NCKAP5: variants seen among roughly 807,000 people sequenced by gnomAD.
NCKAP5 encodes NCK associated protein 5.
Under a neutral mutation model 167.0 loss-of-function variants are expected in NCKAP5, and 92 were observed. The observed-to-expected ratio is 0.55, with a 90% CI of 0.47 to 0.66. The LOEUF (loss-of-function observed/expected upper bound fraction) is 0.66, where lower values mean the gene tolerates loss of function less well. Among genes scored for constraint, NCKAP5 ranks in the 30% least tolerant of loss-of-function variants. The probability of loss-of-function intolerance (pLI) is 0.00; values close to 1 mark genes in which losing one functional copy is unlikely to be tolerated. For synonymous variants in NCKAP5, 891 were observed against 877.4 expected, an observed-to-expected ratio of 1.02 and a Z score of -0.27; for missense variants, 2,378 against 2,315.0, an observed-to-expected ratio of 1.03 and a Z score of -0.56.
chr2:132,849,765 G>A lies in NCKAP5; in HGVS notation c.807+10727C>T, dbSNP rs553660113. Among the ~76,000 whole-genome samples, 4 of 152,156 alleles carry A rather than the reference G, an allele frequency of 2.6e-5. No homozygotes were observed. In the South Asian group the frequency reaches 8.3e-4, roughly 32 times the overall value. ...CTTTCACTTCTCTCCTACCTCTTTG[G>A]TCCACCCGACATGCCTCCTTGGAGT... On this transcript the variant is annotated intron_variant, in intron 11 of 19. Transcript: ENST00000409261.
chr2:133,036,932 C>T (rs937312058), intron 6 of NCKAP5, among the ~76,000 whole-genome samples: 1 of 151,990 alleles, frequency 6.6e-6, no homozygotes, highest in Non-Finnish European at 1.5e-5. Context: ...AAAGGCTCCA[C>T]AAGAACTCTA....
intron 8 of NCKAP5, among the ~76,000 whole-genome samples, chr2:132,886,176 AT>A (rs35428637): frequency 0.31 from 47,393 of 151,206 alleles, 7,654 homozygotes; most frequent in Non-Finnish European, 0.35. Flanking sequence ...AATTAAAAAA[AT>A]AATTGGATGT....
intron 16 of NCKAP5, among the ~76,000 whole-genome samples, chr2:132,737,983 C>T (rs1191686608): frequency 1.3e-5 from 2 of 152,188 alleles, no homozygotes; most frequent in East Asian, 3.9e-4. Context: ...TCAGCCCTCA[C>T]TGATGTGGAA....
intron 5 of NCKAP5, among the ~76,000 whole-genome samples, chr2:133,200,900 G>T (rs1156899154): frequency 1.3e-5 from 2 of 152,040 alleles, no homozygotes; most frequent in Non-Finnish European, 2.9e-5. Flanking sequence ...AGTTGTCCCC[G>T]CTTATCCACA....
intron 4 of NCKAP5, among the ~76,000 whole-genome samples, chr2:133,297,208 T>G (rs1041537842): frequency 6.8e-6 from 1 of 147,846 alleles, no homozygotes; most frequent in Non-Finnish European, 1.5e-5. Context: ...TGTGTGTGTG[T>G]GTTTTAAATC....
chr2:132,860,357 A>G (rs1219316644), intron 11 of NCKAP5, 135 bp downstream of exon 11: 2 of 1,051,514 alleles, frequency 1.9e-6, no homozygotes, highest in South Asian at 1.8e-5. Context: ...TTAATGACAT[A>G]ACTTGAGAAA....
intron 8 of NCKAP5, among the ~76,000 whole-genome samples, chr2:132,933,435 A>AAT (rs1696595725): frequency 6.6e-6 from 1 of 152,192 alleles, no homozygotes; most frequent in African/African-American, 2.4e-5. Context: ...AATGGAATTA[A>AAT]ATATATCTAT....
intron 8 of NCKAP5, among the ~76,000 whole-genome samples, chr2:132,924,453 C>A (rs567859671): frequency 6.6e-6 from 1 of 152,208 alleles, no homozygotes; most frequent in Non-Finnish European, 1.5e-5. Context: ...AGATAGGTCA[C>A]TCCTTTTGTG....
At chr2:133,198,488 T>C (rs2085535519) in intron 5 of NCKAP5, among the ~76,000 whole-genome samples, 1 of 152,132 alleles carries the variant, frequency 6.6e-6, no homozygotes. Flanking sequence ...AGAACATTTT[T>C]GAAGTTCTGA....
intron 6 of NCKAP5, among the ~76,000 whole-genome samples, chr2:132,995,517 G>A (rs1482086450): frequency 6.6e-6 from 1 of 151,846 alleles, no homozygotes; most frequent in Non-Finnish European, 1.5e-5. Flanking sequence ...TGGGTGTGGT[G>A]GCAAACTCTT....
At chr2:133,286,888 A>G (rs1574607457) in intron 4 of NCKAP5, among the ~76,000 whole-genome samples, 1 of 152,334 alleles carries the variant, frequency 6.6e-6, no homozygotes, top group Non-Finnish European at 1.5e-5. Flanking sequence ...AAGTGGAGCT[A>G]CTGATGACAG....
intron 6 of NCKAP5, among the ~76,000 whole-genome samples, chr2:133,091,487 G>A (rs957341932): frequency 4.0e-5 from 6 of 151,820 alleles, no homozygotes; most frequent in South Asian, 2.1e-4. Context: ...AAGGGCCCTG[G>A]GTATATTTCC....
At chr2:133,673,462 C>T in the NCKAP5 span, among the ~76,000 whole-genome samples, 1 of 152,202 alleles carries the variant, frequency 6.6e-6, no homozygotes, top group Non-Finnish European at 1.5e-5. Flanking sequence ...CCACCAAGCA[C>T]ACAGCAGAAA....
chr2:133,502,904 G>C (rs1474148214), intron 3 of NCKAP5, among the ~76,000 whole-genome samples: 1 of 152,220 alleles, frequency 6.6e-6, no homozygotes, highest in African/African-American at 2.4e-5. Context: ...CTGCAGAGGA[G>C]GGACTTGGAT....
At chr2:132,963,096 C>G (rs1480663302) in intron 8 of NCKAP5, among the ~76,000 whole-genome samples, 1 of 151,880 alleles carries the variant, frequency 6.6e-6, no homozygotes, top group African/African-American at 2.4e-5. Context: ...TCTTTGATGA[C>G]TGCTATAAAA....
At chr2:132,717,364 G>A (rs958617839) in intron 19 of NCKAP5, among the ~76,000 whole-genome samples, 2 of 152,168 alleles carry the variant, frequency 1.3e-5, no homozygotes, top group South Asian at 2.1e-4. Context: ...TGATTATAAC[G>A]AGTTTGGATT....
the NCKAP5 span, among the ~76,000 whole-genome samples, chr2:133,589,511 G>A: frequency 3.8e-4 from 58 of 152,262 alleles, 1 homozygote; most frequent in South Asian, 0.011. Context: ...TGGGACTCAG[G>A]AGAGAGAGAC....
chr2:133,105,726 A>G (rs2081662571), intron 6 of NCKAP5, among the ~76,000 whole-genome samples: 1 of 152,228 alleles, frequency 6.6e-6, no homozygotes, highest in South Asian at 2.1e-4. Flanking sequence ...AGTGGTGTTC[A>G]ACATATGCCC....
intron 5 of NCKAP5, among the ~76,000 whole-genome samples, chr2:133,180,798 T>A (rs977038688): frequency 6.6e-6 from 1 of 152,130 alleles, no homozygotes; most frequent in Non-Finnish European, 1.5e-5. Flanking sequence ...ACAATGTTTT[T>A]AATATCAGGC....
Sources: allele counts gnomAD v4.1 joint callset (sites outside exome capture counted in the v4.1 genomes callset), GRCh38; gene constraint gnomAD v4.1.1; transcripts MANE v1.5; gene names NCBI Gene and HGNC (gene_info 2026-07-23, HGNC 2026-07-21).